Variants in TNNC1 observed in about 807,000 individuals in gnomAD.
The protein encoded by TNNC1 is troponin C, slow skeletal and cardiac muscles.
Under a neutral mutation model 19.6 loss-of-function variants are expected in TNNC1, and 10 were observed. The ratio of observed to expected loss-of-function variants is 0.51; its 90% CI spans 0.31 to 0.87. The LOEUF (loss-of-function observed/expected upper bound fraction) is 0.87, where lower values mean the gene tolerates loss of function less well. TNNC1 is among the 40% of genes least tolerant of loss of function. TNNC1 has a pLI of 0.04. For synonymous variants in TNNC1, 85 were observed against 80.1 expected (o/e 1.06, Z -0.33); for missense variants, 115 against 219.8 (o/e 0.52, Z 3.02).
At chr3:52,453,519 C>G (rs990509281) in intron 1 of TNNC1, among the ~76,000 whole-genome samples, 1 of 152,172 alleles carries the variant, frequency 6.6e-6, no homozygotes, top group African/African-American at 2.4e-5. Flanking sequence ...ACACCCTCCA[C>G]CCTCCAAAGC....
At position 52,451,202 on chromosome 3, in the gene TNNC1, A is replaced by G; in HGVS notation, c.*73T>C. The G allele has an allele frequency of 3.1e-6, 5 of 1,589,392 alleles. No individual in the cohort carries two copies. The highest frequency in any genetic ancestry group is 1.1e-5 in the South Asian group (1 of 90,308). On this transcript the variant is annotated 3_prime_UTR_variant, in exon 6 of 6. Coordinates refer to ENST00000232975, the MANE Select transcript of TNNC1 (RefSeq NM_003280.3). The surrounding 1 kb of genome is among the most constrained non-coding windows in gnomAD (Gnocchi z 4.8). ...GCCAGGCTCAGGTCCTGGGACCCCGACCCCCTCCCCAACCCCAGGACTCAG... is the reference window on the plus strand; with the variant it reads ...GCCAGGCTCAGGTCCTGGGACCCCGGCCCCCTCCCCAACCCCAGGACTCAG...
rs1198363427 is a variant in TNNC1, at chr3:52,451,643, C to A, written c.317+101G>T. ...TGGGGCATCCCTCTCCCCTATCAGG[C>A]AGAGGCCACAGGGTCCCTAGGCCTG... is the stretch of plus-strand genomic sequence containing the variant. On this transcript the variant is annotated intron_variant, in intron 4 of 5. Transcript: ENST00000232975. The surrounding 1 kb of genome is among the most constrained non-coding windows in gnomAD (Gnocchi z 4.8). 1.3e-6 allele frequency: 2 copies of A among 1,565,412 alleles called. No individual in the cohort carries two copies. The highest frequency in any genetic ancestry group is 1.8e-6 in the Non-Finnish European group (2 of 1,136,538).
chr3:52,452,550 G>C lies in TNNC1; in HGVS notation c.25-37C>G. On this transcript the variant is annotated intron_variant, in intron 1 of 5. Transcript: ENST00000232975. The surrounding 1 kb of genome is among the most constrained non-coding windows in gnomAD (Gnocchi z 5.2). ...AGGGAATCTCAAGGCTCAGACTCAG[G>C]TATAGCTGCTGCTGAGGAAACCAAC... The C allele has an allele frequency of 1.9e-6, 3 of 1,609,804 alleles. No individual in the cohort carries two copies. The highest frequency in any genetic ancestry group is 2.5e-6 in the Non-Finnish European group (3 of 1,178,000).
intron 1 of TNNC1, 100 bp downstream of exon 1, chr3:52,453,892 G>C: frequency 1.4e-6 from 2 of 1,428,846 alleles, no homozygotes; most frequent in Non-Finnish European, 1.9e-6. Flanking sequence ...CCTTCTCCTT[G>C]GTCCCCACCA....
chr3:52,453,757 G>A (rs1706363695), intron 1 of TNNC1, among the ~76,000 whole-genome samples: 1 of 152,208 alleles, frequency 6.6e-6, no homozygotes, highest in African/African-American at 2.4e-5. Context: ...AACAGAGAGT[G>A]AGACACGATG....
chr3:52,451,655 G>T lies in TNNC1; in HGVS notation c.317+89C>A. ...CTCCCCTATCAGGCAGAGGCCACAGGGTCCCTAGGCCTGGAATCTGAGACT... is the reference window on the plus strand; with the variant it reads ...CTCCCCTATCAGGCAGAGGCCACAGTGTCCCTAGGCCTGGAATCTGAGACT... On this transcript the variant is annotated intron_variant, in intron 4 of 5. Coordinates refer to ENST00000232975, the MANE Select transcript of TNNC1 (RefSeq NM_003280.3). The surrounding 1 kb of genome is among the most constrained non-coding windows in gnomAD (Gnocchi z 4.8). 1 of 1,573,624 alleles carries T rather than the reference G, an allele frequency of 6.4e-7. No individual in the cohort carries two copies. Among genetic ancestry groups the T allele is most frequent in the South Asian group, 1.1e-5 (1 of 90,170 alleles).
chr3:52,453,959 C>A (rs1706369603), intron 1 of TNNC1, 33 bp downstream of exon 1: 1 of 1,578,178 alleles, frequency 6.3e-7, no homozygotes, highest in Non-Finnish European at 8.6e-7. Flanking sequence ...AGTGGGCCTG[C>A]CCACCCCAGC....
In TNNC1 at chr3:52,453,974, C is replaced by T. The variant is rs2153230076; in HGVS notation, c.24+18G>A. The T allele has an allele frequency of 1.3e-6, 2 of 1,583,238 alleles. No homozygotes were observed. The highest frequency in any genetic ancestry group is 1.3e-5 in the African/African-American group (1 of 74,434). ...AGTGGGCCTGCCCACCCCAGCCCTA[C>T]CCAGCCCTGTCCCTCACCGCAGCCT... On this transcript the variant is annotated intron_variant, in intron 1 of 5. Transcript: ENST00000232975.
Position 52,452,114 on chromosome 3 carries a change from T to C in TNNC1, c.194A>G (p.Asp65Gly), listed in dbSNP as rs1706338500. The change falls in exon 3 of 6, where the codon GAC becomes GGC. Residue 65 changes from aspartate to glycine, a missense_variant. Physicochemically the swap from Asp to Gly is moderately conservative, Grantham distance 94. This residue lies in a region of TNNC1 where 19 missense variants were observed against 105.6 expected (regional missense o/e 0.18). Transcript: ENST00000232975. The surrounding 1 kb of genome is among the most constrained non-coding windows in gnomAD (Gnocchi z 5.2). ...GGGAGGAGGGGGCTCACCGTCCTCG[T>C]CCACCTCATCGATCATCTCCTGCAG... ...EELQEMIDEV[D>G]EDGSGTVDFD... 1 of 1,613,746 alleles carries C rather than the reference T, an allele frequency of 6.2e-7. No individual in the cohort carries two copies. Among genetic ancestry groups the C allele is most frequent in the Non-Finnish European group, 8.5e-7 (1 of 1,180,028 alleles).
intron 1 of TNNC1, among the ~76,000 whole-genome samples, chr3:52,453,459 C>A (rs1706358295): frequency 6.6e-6 from 1 of 152,198 alleles, no homozygotes; most frequent in Non-Finnish European, 1.5e-5. Context: ...CCTCAAACTT[C>A]AAAGCCCCAT....
intron 1 of TNNC1, among the ~76,000 whole-genome samples, chr3:52,453,402 C>T (rs1291298651): frequency 6.6e-6 from 1 of 152,206 alleles, no homozygotes; most frequent in Non-Finnish European, 1.5e-5. Context: ...GGCCCCAGTT[C>T]TCTGTTCCTT....
At position 52,451,785 on chromosome 3, in the gene TNNC1, T is replaced by A; in HGVS notation, c.276A>T (p.Lys92Asn). ...VRCMKDDSKG[K>N]SEEELSDLFR... The stretch of plus-strand genomic sequence containing the variant: ...AGAGGTCAGACAGCTCCTCCTCAGA[T>A]TTCCCTTTGCTGTCGTCCTTCATGC... The change falls in exon 4 of 6, where the codon AAA becomes AAT. Residue 92 changes from lysine (K) to asparagine (N), a missense_variant. This residue lies in a region of TNNC1 where 96 missense variants were observed against 114.2 expected (regional missense o/e 0.84). Coordinates refer to ENST00000232975, the MANE Select transcript of TNNC1 (RefSeq NM_003280.3). This position sits in a 1 kb window ranked among gnomAD's most constrained non-coding sequence, Gnocchi z 4.8. The A allele has an allele frequency of 1.9e-6, 3 of 1,614,068 alleles. No homozygotes were observed. Among genetic ancestry groups the A allele is most frequent in the Non-Finnish European group, 2.5e-6 (3 of 1,179,988 alleles).
In TNNC1 at chr3:52,452,520, A is replaced by G. The variant is rs756286838; in HGVS notation, c.25-7T>C. The G allele has an allele frequency of 6.2e-7, 1 of 1,613,204 alleles. No homozygotes were observed. The highest frequency in any genetic ancestry group is 1.7e-5 in the Admixed American group (1 of 59,840). ...CTTCTGTCAGCTGCTCTACCTAGAA[A>G]GGAAAGGGAATCTCAAGGCTCAGAC... On this transcript the variant is annotated splice_polypyrimidine_tract_variant and splice_region_variant and intron_variant, in intron 1 of 5. Transcript: ENST00000232975. This position sits in a 1 kb window ranked among gnomAD's most constrained non-coding sequence, Gnocchi z 5.2.
At position 52,451,698 on chromosome 3, in the gene TNNC1, G is replaced by T. The variant is rs773462508; in HGVS notation, c.317+46C>A. 1.3e-6 allele frequency: 2 copies of T among 1,596,698 alleles called. No individual in the cohort carries two copies. Among genetic ancestry groups the T allele is most frequent in the South Asian group, 2.2e-5 (2 of 90,762 alleles). On this transcript the variant is annotated intron_variant, in intron 4 of 5. Transcript: ENST00000232975. The surrounding 1 kb of genome is among the most constrained non-coding windows in gnomAD (Gnocchi z 4.8). Reference sequence around the variant, plus strand: ...CTGAGACTGCCCTCCTGTACAGCTCGGCTTGAGTGTGGGTCAGGGTCAGAG... The same window carrying T: ...CTGAGACTGCCCTCCTGTACAGCTCTGCTTGAGTGTGGGTCAGGGTCAGAG...
Position 52,452,315 on chromosome 3 carries a change from G to A in TNNC1, c.56-63C>T. On this transcript the variant is annotated intron_variant, in intron 2 of 5. Coordinates refer to ENST00000232975, the MANE Select transcript of TNNC1 (RefSeq NM_003280.3). This position sits in a 1 kb window ranked among gnomAD's most constrained non-coding sequence, Gnocchi z 5.2. ...CAGCAGCCAGGACCACGGAGGGCCAGAACCCTGGGGCCACCTGCCAACCTG... is the reference window on the plus strand; with the variant it reads ...CAGCAGCCAGGACCACGGAGGGCCAAAACCCTGGGGCCACCTGCCAACCTG... 6.2e-7 allele frequency: 1 copy of A among 1,602,324 alleles called. No individual in the cohort carries two copies.
Position 52,451,968 on chromosome 3 carries a change from T to C in TNNC1, c.203-110A>G. 6.5e-7 allele frequency: 1 copy of C among 1,542,948 alleles called. No homozygotes were observed. Among genetic ancestry groups the C allele is most frequent in the Non-Finnish European group, 8.9e-7 (1 of 1,118,602 alleles). On this transcript the variant is annotated intron_variant, in intron 3 of 5. Coordinates refer to ENST00000232975, the MANE Select transcript of TNNC1 (RefSeq NM_003280.3). This position sits in a 1 kb window ranked among gnomAD's most constrained non-coding sequence, Gnocchi z 4.8. ...GCATCCTCACACCAAACGCCAGGCT[T>C]GTGTAGCCCTTATGCCCATTTTATA...
In TNNC1 at chr3:52,452,550, G is replaced by A; in HGVS notation, c.25-37C>T. ...AGGGAATCTCAAGGCTCAGACTCAG[G>A]TATAGCTGCTGCTGAGGAAACCAAC... On this transcript the variant is annotated intron_variant, in intron 1 of 5. Coordinates refer to ENST00000232975, the MANE Select transcript of TNNC1 (RefSeq NM_003280.3). The surrounding 1 kb of genome is among the most constrained non-coding windows in gnomAD (Gnocchi z 5.2). 2 of 1,609,804 alleles carry A rather than the reference G, an allele frequency of 1.2e-6. No individual in the cohort carries two copies. The highest frequency in any genetic ancestry group is 1.7e-6 in the Non-Finnish European group (2 of 1,178,000).
In TNNC1 at chr3:52,454,004, G is replaced by T; in HGVS notation, c.12C>A (p.Ile4=). 6.3e-7 allele frequency: 1 copy of T among 1,587,794 alleles called. No individual in the cohort carries two copies. Among genetic ancestry groups the T allele is most frequent in the Non-Finnish European group, 8.6e-7 (1 of 1,165,650 alleles). The change falls in exon 1 of 6, where the codon ATC becomes ATA. Residue 4 remains isoleucine (I), a synonymous_variant. Transcript: ENST00000232975. The stretch of plus-strand genomic sequence containing the variant: ...CCCTGTCCCTCACCGCAGCCTTGTA[G>T]ATGTCATCCATGCTGGCGGCTCACA... MDD[I]YKAAVEQLTE...
Position 52,451,692 on chromosome 3 carries a change from C to T in TNNC1, c.317+52G>A, listed in dbSNP as rs896514850. Reference sequence around the variant, plus strand: ...TGGAATCTGAGACTGCCCTCCTGTACAGCTCGGCTTGAGTGTGGGTCAGGG... The same window carrying T: ...TGGAATCTGAGACTGCCCTCCTGTATAGCTCGGCTTGAGTGTGGGTCAGGG... On this transcript the variant is annotated intron_variant, in intron 4 of 5. Coordinates refer to ENST00000232975, the MANE Select transcript of TNNC1 (RefSeq NM_003280.3). This position sits in a 1 kb window ranked among gnomAD's most constrained non-coding sequence, Gnocchi z 4.8. 9 of 1,593,294 alleles carry T rather than the reference C, an allele frequency of 5.6e-6. No homozygotes were observed. Among genetic ancestry groups the T allele is most frequent in the African/African-American group, 1.3e-5 (1 of 74,616 alleles).
Sources: allele counts gnomAD v4.1 joint callset (sites outside exome capture counted in the v4.1 genomes callset), GRCh38; gene constraint gnomAD v4.1.1; regional missense constraint gnomAD v4.1.1; non-coding constraint Gnocchi (gnomAD v3.1); transcripts MANE v1.5; gene names NCBI Gene and HGNC (gene_info 2026-07-23, HGNC 2026-07-21).